The following PACS1 variants were observed in gnomAD, a reference collection of about 807,000 sequenced individuals.
PACS1 encodes the protein phosphofurin acidic cluster sorting protein 1.
PACS1 carries 24 observed loss-of-function variants against 115.0 expected under a neutral mutation model. The observed-to-expected ratio is 0.21, with a 90% confidence interval of 0.15 to 0.29. The LOEUF (loss-of-function observed/expected upper bound fraction) is 0.29, where lower values mean the gene tolerates loss of function less well. Ranked by LOEUF, PACS1 falls within the 10% of genes least tolerant of loss-of-function variation. The pLI, the probability that PACS1 is intolerant of heterozygous loss-of-function variation, is 1.00. For missense variants in PACS1, 838 were observed against 1,251.2 expected (o/e 0.67, Z 4.98); for synonymous variants, 453 against 504.5 (o/e 0.90, Z 1.37).
chr11:66,150,820 G>A (rs1859217799), intron 1 of PACS1, among the ~76,000 whole-genome samples: 1 of 152,230 alleles, frequency 6.6e-6, no homozygotes, highest in South Asian at 2.1e-4. Flanking sequence ...TCCAAAAGCT[G>A]TCCCTAGAAC....
chr11:66,138,505 C>T (rs1858899420), intron 1 of PACS1, among the ~76,000 whole-genome samples: 1 of 152,134 alleles, frequency 6.6e-6, no homozygotes, highest in East Asian at 1.9e-4. Context: ...TGAGGAGGCA[C>T]TTACTGTCTT....
intron 1 of PACS1, among the ~76,000 whole-genome samples, chr11:66,162,112 G>GGT (rs1859500633): frequency 3.5e-5 from 2 of 56,366 alleles, no homozygotes; most frequent in African/African-American, 1.4e-4. Context: ...GGTGGTGGTG[G>GGT]TTTTTTTTTT....
intron 7 of PACS1, chr11:66,219,536 T>C: frequency 1.5e-6 from 1 of 684,672 alleles, no homozygotes; most frequent in Non-Finnish European, 2.7e-6. Context: ...ACATTCCTTC[T>C]CCCCGCAGCT....
chr11:66,118,100 A>C (rs561629819), intron 1 of PACS1, among the ~76,000 whole-genome samples: 1 of 152,370 alleles, frequency 6.6e-6, no homozygotes, highest in South Asian at 2.1e-4. Context: ...TTATTCATCT[A>C]CGTTAGTCTA....
intron 1 of PACS1, among the ~76,000 whole-genome samples, chr11:66,136,101 C>T (rs531513199): frequency 3.9e-5 from 6 of 152,260 alleles, no homozygotes; most frequent in East Asian, 1.9e-4. Flanking sequence ...TCGTAAATGA[C>T]GTAGATACGT....
intron 1 of PACS1, among the ~76,000 whole-genome samples, chr11:66,136,110 G>C (rs1312622958): frequency 6.6e-6 from 1 of 152,164 alleles, no homozygotes; most frequent in African/African-American, 2.4e-5. Context: ...ACGTAGATAC[G>C]TAAGTACGTC....
chr11:66,227,038 G>A (rs1855482069), intron 10 of PACS1, among the ~76,000 whole-genome samples: 1 of 152,146 alleles, frequency 6.6e-6, no homozygotes, highest in South Asian at 2.1e-4. Flanking sequence ...TTTTCTGGAT[G>A]TTCCCACCAA....
chr11:66,147,007 A>T (rs572131792), intron 1 of PACS1, among the ~76,000 whole-genome samples: 1 of 152,314 alleles, frequency 6.6e-6, no homozygotes, highest in African/African-American at 2.4e-5. Context: ...CAGTGAGCCG[A>T]CATCATGCCT....
chr11:66,072,792 G>A (rs1280537073), intron 1 of PACS1, among the ~76,000 whole-genome samples: 4 of 152,196 alleles, frequency 2.6e-5, no homozygotes, highest in African/African-American at 9.7e-5. Context: ...TCATGCCTGT[G>A]TTTGGTGACG....
At chr11:66,197,092 C>G (rs1013421140) in intron 2 of PACS1, among the ~76,000 whole-genome samples, 2 of 152,114 alleles carry the variant, frequency 1.3e-5, no homozygotes, top group African/African-American at 4.8e-5. Context: ...TTTACAAAAT[C>G]ATGCTGGATA....
At chr11:66,195,093 A>G (rs1252587564) in intron 2 of PACS1, among the ~76,000 whole-genome samples, 1 of 152,152 alleles carries the variant, frequency 6.6e-6, no homozygotes, top group Non-Finnish European at 1.5e-5. Context: ...GCGTGCATGT[A>G]GTTCCAGCTA....
At position 66,070,621 on chromosome 11, in the gene PACS1, G is replaced by A; in HGVS notation, c.135G>A (p.Pro45=). Residue 45 remains proline (P), a synonymous_variant, in exon 1 of 24, where the codon CCG becomes CCA. Transcript: ENST00000320580. The surrounding 1 kb of genome is among the most constrained non-coding windows in gnomAD (Gnocchi z 5.9). ...QQQQQQPPQQ[P]TPPKLAQATS... ...AGCAGCAGCAGCCGCCGCAGCAGCCGACGCCCCCCAAGCTGGCCCAGGCCA... is the reference window on the plus strand; with the variant it reads ...AGCAGCAGCAGCCGCCGCAGCAGCCAACGCCCCCCAAGCTGGCCCAGGCCA... 1 of 1,542,354 alleles carries A rather than the reference G, an allele frequency of 6.5e-7. No individual in the cohort carries two copies.
At chr11:66,086,976 T>C (rs991633986) in intron 1 of PACS1, among the ~76,000 whole-genome samples, 1 of 152,024 alleles carries the variant, frequency 6.6e-6, no homozygotes, top group Admixed American at 6.6e-5. Flanking sequence ...CAAAAAACCT[T>C]TTGTTTGGAA....
At chr11:66,072,068 A>G (rs773013768) in intron 1 of PACS1, among the ~76,000 whole-genome samples, 11 of 152,188 alleles carry the variant, frequency 7.2e-5, no homozygotes, top group Non-Finnish European at 1.6e-4. Context: ...TTAGAAAAAA[A>G]TTAGTTTTAC....
Position 66,235,809 on chromosome 11 carries a change from C to A in PACS1, c.2208-89C>A. 1 of 1,107,212 alleles carries A rather than the reference C, an allele frequency of 9.0e-7. No homozygotes were observed. Among genetic ancestry groups the A allele is most frequent in the Non-Finnish European group, 1.4e-6 (1 of 717,822 alleles). 68.6% of individuals were successfully genotyped at this position (1,107,212 alleles called of 1,614,324 possible). ...CAGCCCAGCATCCTGGACTCTGCTG[C>A]AGCCACAGTGAGATAGGAAAGGCCA... On this transcript the variant is annotated intron_variant, in intron 18 of 23. Coordinates refer to ENST00000320580, the MANE Select transcript of PACS1 (RefSeq NM_018026.4). This position sits in a 1 kb window ranked among gnomAD's most constrained non-coding sequence, Gnocchi z 5.6.
chr11:66,102,858 T>G (rs1475828286), intron 1 of PACS1, among the ~76,000 whole-genome samples: 1 of 152,082 alleles, frequency 6.6e-6, no homozygotes, highest in African/African-American at 2.4e-5. Flanking sequence ...TGGAGACAGA[T>G]CTTACTCTGT....
At chr11:66,103,995 T>C (rs946176596) in intron 1 of PACS1, among the ~76,000 whole-genome samples, 2 of 151,796 alleles carry the variant, frequency 1.3e-5, no homozygotes, top group African/African-American at 4.8e-5. Flanking sequence ...ATTTCTTTTG[T>C]AATAATTTCA....
Position 66,108,808 on chromosome 11 carries a change from A to G in PACS1, c.356+37966A>G, listed in dbSNP as rs183022781. ...AGAGAAGAGAGAGAAAGAGAAAGAAAGAAAGAATGAATGAGTTAGCTGGGT... is the reference window on the plus strand; with the variant it reads ...AGAGAAGAGAGAGAAAGAGAAAGAAGGAAAGAATGAATGAGTTAGCTGGGT... On this transcript the variant is annotated intron_variant, in intron 1 of 23. Transcript: ENST00000320580. Among the ~76,000 whole-genome samples the G allele has an allele frequency of 8.5e-5, 13 of 152,082 alleles. No individual in the cohort carries two copies. The East Asian group carries it at 2.3e-3, about 27-fold the overall frequency.
At chr11:66,164,514 C>G (rs574381961) in intron 1 of PACS1, among the ~76,000 whole-genome samples, 1 of 143,346 alleles carries the variant, frequency 7.0e-6, no homozygotes, top group African/African-American at 2.6e-5. Context: ...CCTTTAAGCC[C>G]AGGAGTTCAA....
Sources: gnomAD v4.1 joint callset for allele counts (sites outside exome capture counted in the v4.1 genomes callset) on GRCh38, gnomAD v4.1.1 for gene constraint, Gnocchi (gnomAD v3.1) non-coding constraint, MANE v1.5 for transcripts, NCBI Gene and HGNC (gene_info 2026-07-23, HGNC 2026-07-21) for gene names.